The following NBEA variants were observed in gnomAD, a reference collection of about 807,000 sequenced individuals.
NBEA encodes the protein neurobeachin.
NBEA carries 44 observed loss-of-function variants against 343.4 expected under a neutral mutation model. The ratio of observed to expected loss-of-function variants is 0.13; its 90% CI spans 0.10 to 0.16. The LOEUF (loss-of-function observed/expected upper bound fraction) is 0.16. NBEA is among the 10% of genes least tolerant of loss of function. The probability of loss-of-function intolerance (pLI) is 1.00; values close to 1 mark genes in which losing one functional copy is unlikely to be tolerated. For missense variants in NBEA, 2,555 were observed against 3,631.3 expected (o/e 0.70, Z 7.62); for synonymous variants, 1,175 against 1,238.7 (o/e 0.95, Z 1.08).
At position 35,011,183 on chromosome 13, in the gene NBEA, G is replaced by T. The variant is rs531613141; in HGVS notation, c.295-29750G>T. 3.9e-5 allele frequency among the ~76,000 whole-genome samples: 6 copies of T among 152,152 alleles called. No individual in the cohort carries two copies. The East Asian group carries it at 1.2e-3, about 29-fold the overall frequency. Reference sequence around the variant, plus strand: ...CAGATTATTTTGGTAACCCTACAGGGTTAATAGATAGAACATATCAAAGTT... The same window carrying T: ...CAGATTATTTTGGTAACCCTACAGGTTTAATAGATAGAACATATCAAAGTT... On this transcript the variant is annotated intron_variant, in intron 1 of 58. Transcript: ENST00000379939.
chr13:34,995,854 G>T (rs952815692), intron 1 of NBEA, among the ~76,000 whole-genome samples: 1 of 152,192 alleles, frequency 6.6e-6, no homozygotes, highest in Non-Finnish European at 1.5e-5. Flanking sequence ...CAGGTTAAAA[G>T]TTTAGTCCCA....
chr13:35,250,915 A>T (rs1441315142), intron 34 of NBEA, among the ~76,000 whole-genome samples: 1 of 152,246 alleles, frequency 6.6e-6, no homozygotes, highest in Non-Finnish European at 1.5e-5. Context: ...ATAAAAATAT[A>T]AATGCCAATC....
intron 2 of NBEA, among the ~76,000 whole-genome samples, chr13:35,044,012 GCAAAGAACAATGACAGAAAAA>G (rs1566201668): frequency 1.3e-5 from 2 of 152,022 alleles, no homozygotes. Flanking sequence ...TCAATTTCTT[GCAAAGAACAATGACAGAAAAA>G]GTATTAATCA....
Position 35,469,514 on chromosome 13 carries a change from T to C in NBEA, c.6449-2886T>C, listed in dbSNP as rs556659504. Among the ~76,000 whole-genome samples, 8 of 152,338 alleles carry C rather than the reference T, an allele frequency of 5.3e-5. 2 individuals carry two copies. Among genetic ancestry groups the C allele is most frequent in the African/African-American group, 1.9e-4 (8 of 41,584 alleles). On this transcript the variant is annotated intron_variant, in intron 40 of 58. Coordinates refer to ENST00000379939, the MANE Select transcript of NBEA (RefSeq NM_001385012.1). ...TGTAAAAAGTAAATAACATTTATATTTTCCTTTTAATTACCACTTTAGATG... is the reference window on the plus strand; with the variant it reads ...TGTAAAAAGTAAATAACATTTATATCTTCCTTTTAATTACCACTTTAGATG...
chr13:35,135,286 C>A (rs1279632647), intron 17 of NBEA, among the ~76,000 whole-genome samples: 1 of 152,014 alleles, frequency 6.6e-6, no homozygotes. Context: ...AGGTTAAAAT[C>A]TGAAATAATA....
chr13:34,971,733 T>C (rs1760710096), intron 1 of NBEA, among the ~76,000 whole-genome samples: 1 of 152,160 alleles, frequency 6.6e-6, no homozygotes, highest in Non-Finnish European at 1.5e-5. Context: ...AGTTTGTTGA[T>C]GTGCTGCTGG....
intron 41 of NBEA, among the ~76,000 whole-genome samples, chr13:35,497,589 A>G (rs538068759): frequency 8.5e-5 from 13 of 152,198 alleles, no homozygotes; most frequent in African/African-American, 2.9e-4. Flanking sequence ...CAAGGTCTGC[A>G]TAAATCTGGG....
intron 10 of NBEA, among the ~76,000 whole-genome samples, chr13:35,095,838 G>C (rs1410552400): frequency 6.6e-6 from 1 of 151,898 alleles, no homozygotes. Flanking sequence ...TTTCTATGTT[G>C]TATTAGTTTT....
intron 39 of NBEA, among the ~76,000 whole-genome samples, chr13:35,439,374 C>T (rs984416184): frequency 6.6e-6 from 1 of 152,104 alleles, no homozygotes; most frequent in Admixed American, 6.5e-5. Flanking sequence ...GAGTAGGCTT[C>T]GTACAAGTAA....
intron 48 of NBEA, among the ~76,000 whole-genome samples, chr13:35,607,461 G>T (rs1245834385): frequency 4.6e-5 from 7 of 152,092 alleles, no homozygotes; most frequent in African/African-American, 1.7e-4. Context: ...TCCCAACATG[G>T]TTATAGTAGG....
chr13:34,942,959 G>A lies in NBEA; in HGVS notation c.139G>A (p.Gly47Arg), dbSNP rs370433570. Residue 47 changes from glycine (G) to arginine (R), a missense_variant, in exon 1 of 59, where the codon GGG (glycine) becomes AGG (arginine). Physicochemically the swap from Gly to Arg is moderately radical, Grantham distance 125 (BLOSUM62 -2). Around this residue, in one of 21 missense-constraint regions of NBEA, gnomAD observed 122 missense variants for 91.0 expected, o/e 1.34. Transcript: ENST00000379939. ...GGGCAGCGGGATGGGGGAGCTAAGG[G>A]GGGCGTCCGGCTCCGGCTCGGTGAT... ...TGGSGMGELR[G>R]ASGSGSVMLP... The A allele has an allele frequency of 1.8e-5, 28 of 1,599,200 alleles. No homozygotes were observed. The African/African-American group carries it at 3.5e-4, about 20-fold the overall frequency.
At chr13:34,950,802 T>C (rs1593263273) in intron 1 of NBEA, among the ~76,000 whole-genome samples, 1 of 151,998 alleles carries the variant, frequency 6.6e-6, no homozygotes. Flanking sequence ...TAAAAAGAAA[T>C]GACCAGCTGG....
At chr13:35,637,968 TGGATGAACCTTAA>T (rs547169054) in intron 49 of NBEA, among the ~76,000 whole-genome samples, 4 of 152,258 alleles carry the variant, frequency 2.6e-5, no homozygotes, top group African/African-American at 9.6e-5. Context: ...TGCTACAACA[TGGATGAACCTTAA>T]GGACATTAAT....
At chr13:35,347,024 A>G (rs1391552484) in intron 36 of NBEA, among the ~76,000 whole-genome samples, 1 of 152,168 alleles carries the variant, frequency 6.6e-6, no homozygotes, top group East Asian at 1.9e-4. Context: ...TTCAACCTTG[A>G]TATTAGAAAG....
intron 1 of NBEA, among the ~76,000 whole-genome samples, chr13:34,977,311 A>ATT (rs2060212561): frequency 6.8e-6 from 1 of 147,744 alleles, no homozygotes; most frequent in Non-Finnish European, 1.5e-5. Context: ...GTACATAATT[A>ATT]TCTTTTTTTT....
rs146009128 is a variant in NBEA, at chr13:35,544,730, T to A, written c.6586-5747T>A. Reference sequence around the variant, plus strand: ...ATGAACTTTCTCCCTTCACTTCTTTTGGATATTAAGCAGTTAGCTCAGTAT... The same window carrying A: ...ATGAACTTTCTCCCTTCACTTCTTTAGGATATTAAGCAGTTAGCTCAGTAT... On this transcript the variant is annotated intron_variant, in intron 41 of 58. Transcript: ENST00000379939. 2.3e-3 allele frequency among the ~76,000 whole-genome samples: 354 copies of A among 152,314 alleles called. 2 individuals are homozygous for A. The highest frequency in any genetic ancestry group is 8.1e-3 in the African/African-American group (336 of 41,564).
chr13:35,611,598 G>A (rs1211586350), intron 48 of NBEA, among the ~76,000 whole-genome samples: 1 of 152,084 alleles, frequency 6.6e-6, no homozygotes, highest in Non-Finnish European at 1.5e-5. Flanking sequence ...CCAGCCCAAG[G>A]CAACTGCTAA....
chr13:34,962,401 A>G (rs2059689813), intron 1 of NBEA, among the ~76,000 whole-genome samples: 1 of 152,090 alleles, frequency 6.6e-6, no homozygotes, highest in African/African-American at 2.4e-5. Context: ...ATTAATAGCA[A>G]CAATTTAAAA....
chr13:35,159,559 A>G lies in NBEA; in HGVS notation c.3388A>G (p.Ile1130Val). Residue 1130 changes from isoleucine to valine, a missense_variant, in exon 22 of 59, where the codon ATA (isoleucine) becomes GTA (valine). Physicochemically the swap from Ile to Val is conservative, Grantham distance 29. Transcript: ENST00000379939. Reference protein sequence around the residue: ...KNEEKDNGPLITLADEKEDLP... With the variant: ...KNEEKDNGPLVTLADEKEDLP... ...TGAAGAAAAGGATAATGGTCCATTG[A>G]TAACATTAGCAGATGAGAAAGAAGA... 6.2e-7 allele frequency: 1 copy of G among 1,612,678 alleles called. No individual in the cohort carries two copies. Among genetic ancestry groups the G allele is most frequent in the Non-Finnish European group, 8.5e-7 (1 of 1,179,468 alleles).
Sources: allele counts gnomAD v4.1 joint callset (sites outside exome capture counted in the v4.1 genomes callset), GRCh38; gene constraint gnomAD v4.1.1; regional missense constraint gnomAD v4.1.1; transcripts MANE v1.5; gene names NCBI Gene and HGNC (gene_info 2026-07-23, HGNC 2026-07-21).